SLAMF6: variants seen among roughly 807,000 people sequenced by gnomAD.
The protein encoded by SLAMF6 is NK-T-B-antigen.
A neutral mutation model predicts 38.3 loss-of-function variants in SLAMF6; 21 were observed. The ratio of observed to expected loss-of-function variants is 0.55; its 90% CI spans 0.39 to 0.79. The LOEUF (loss-of-function observed/expected upper bound fraction) is 0.79, where lower values mean the gene tolerates loss of function less well. SLAMF6 is among the 30% of genes least tolerant of loss of function. The pLI, the probability that SLAMF6 is intolerant of heterozygous loss-of-function variation, is 0.00. For missense variants in SLAMF6, 341 were observed against 385.3 expected (o/e 0.89, Z 0.96); for synonymous variants, 152 against 146.3 (o/e 1.04, Z -0.28).
intron 1 of SLAMF6, among the ~76,000 whole-genome samples, chr1:160,518,223 T>G (rs1248449734): frequency 6.6e-6 from 1 of 151,938 alleles, no homozygotes. Context: ...CTCACACAGG[T>G]CAGAATGGCA....
intron 2 of SLAMF6, among the ~76,000 whole-genome samples, chr1:160,492,882 A>G (rs1653378373): frequency 6.6e-6 from 1 of 152,036 alleles, no homozygotes; most frequent in South Asian, 2.1e-4. Flanking sequence ...AAATGTAACC[A>G]CTTCTCACCA....
rs200834145 is a variant in SLAMF6 at position 160,523,200 on chromosome 1, G to A, written c.-8C>T. ...TTGGAACAGCCACAACATGCTTTCCGCGGTGAAGACTGGTGCTTGAGACCT... is the reference window on the plus strand; with the variant it reads ...TTGGAACAGCCACAACATGCTTTCCACGGTGAAGACTGGTGCTTGAGACCT... On this transcript the variant is annotated 5_prime_UTR_variant, in exon 1 of 8. Transcript: ENST00000368057. 9 of 1,613,428 alleles carry A rather than the reference G, an allele frequency of 5.6e-6. No individual in the cohort carries two copies. The highest frequency in any genetic ancestry group is 1.1e-5 in the South Asian group (1 of 90,950).
chr1:160,500,170 A>G (rs1296148142), intron 1 of SLAMF6, among the ~76,000 whole-genome samples: 2 of 152,198 alleles, frequency 1.3e-5, no homozygotes, highest in Non-Finnish European at 2.9e-5. Flanking sequence ...TGTTCATTTT[A>G]TGATAATTCA....
At chr1:160,491,935 A>T (rs1256213817) in intron 2 of SLAMF6, among the ~76,000 whole-genome samples, 2 of 152,208 alleles carry the variant, frequency 1.3e-5, no homozygotes, top group Non-Finnish European at 2.9e-5. Flanking sequence ...TGGCTCCAAT[A>T]GTGAGAAAGA....
intron 1 of SLAMF6, among the ~76,000 whole-genome samples, chr1:160,499,501 T>C (rs1374964429): frequency 6.6e-6 from 1 of 152,178 alleles, no homozygotes; most frequent in Non-Finnish European, 1.5e-5. Context: ...GTGATGTCTC[T>C]GGATTTTTTG....
At chr1:160,492,744 T>C (rs1653370549) in intron 2 of SLAMF6, among the ~76,000 whole-genome samples, 1 of 152,246 alleles carries the variant, frequency 6.6e-6, no homozygotes, top group Non-Finnish European at 1.5e-5. Flanking sequence ...TTTACCCATC[T>C]GACTTGTTGA....
At chr1:160,489,019 A>G in intron 6 of SLAMF6, 69 bp downstream of exon 6, 1 of 1,395,288 alleles carries the variant, frequency 7.2e-7, no homozygotes, top group South Asian at 1.2e-5. Context: ...TCAGATGGTT[A>G]TGGTGACAAG....
chr1:160,522,443 A>G (rs1297768277), intron 1 of SLAMF6, among the ~76,000 whole-genome samples: 1 of 152,142 alleles, frequency 6.6e-6, no homozygotes, highest in Non-Finnish European at 1.5e-5. Context: ...TGAATGCTAC[A>G]CTTTGTCTCC....
chr1:160,489,302 A>T, intron 5 of SLAMF6, 132 bp from the exon 6 acceptor site: 3 of 807,372 alleles, frequency 3.7e-6, no homozygotes, highest in East Asian at 5.3e-5. Flanking sequence ...CTGAGGGATC[A>T]TTCGTTCTTG....
chr1:160,513,599 G>A (rs1654601135), intron 1 of SLAMF6, among the ~76,000 whole-genome samples: 1 of 152,090 alleles, frequency 6.6e-6, no homozygotes, highest in Admixed American at 6.5e-5. Context: ...AAAATGTTAA[G>A]GGCAGCCAGA....
In SLAMF6 at chr1:160,520,317, G is replaced by T. The variant is rs547759690; in HGVS notation, c.49+2827C>A. Among the ~76,000 whole-genome samples the T allele has an allele frequency of 2.6e-5, 4 of 152,130 alleles. No homozygotes were observed. In the East Asian group the frequency reaches 7.7e-4, roughly 29 times the overall value. ...CTCAGAATACCTATATCTGCTTCCT[G>T]CAAACACACTCAAAGTTAGTTTCTA... On this transcript the variant is annotated intron_variant, in intron 1 of 7. Coordinates refer to ENST00000368057, the MANE Select transcript of SLAMF6 (RefSeq NM_001184714.2).
At position 160,491,383 on chromosome 1, in the gene SLAMF6, G is replaced by T. The variant is rs1371302905; in HGVS notation, c.388C>A (p.Leu130Met). Residue 130 changes from leucine to methionine, a missense_variant, in exon 3 of 8, where the codon CTG (leucine) becomes ATG (methionine). Transcript: ENST00000368057. ...TGATTGGTAACTTGTATGTTCCTCA[G>T]TTGTCCTGTTTGCAGAAAAAAAAAA... ...SSYTLRILRQ[L>M]RNIQVTNHSQ... is the part of the protein sequence containing the mutation. The T allele has an allele frequency of 1.2e-6, 2 of 1,609,876 alleles. No homozygotes were observed. Among genetic ancestry groups the T allele is most frequent in the Non-Finnish European group, 1.7e-6 (2 of 1,177,642 alleles).
intron 2 of SLAMF6, 70 bp from the exon 3 acceptor site, chr1:160,491,458 C>T (rs760217700): frequency 1.3e-6 from 2 of 1,551,612 alleles, no homozygotes; most frequent in Non-Finnish European, 1.7e-6. Flanking sequence ...TGAAAAATAT[C>T]CTTCACCTCA....
intron 6 of SLAMF6, among the ~76,000 whole-genome samples, chr1:160,487,861 A>T (rs1653050707): frequency 1.3e-5 from 2 of 152,176 alleles, no homozygotes; most frequent in African/African-American, 4.8e-5. Flanking sequence ...AGGACGAGGC[A>T]GGCGGATCAC....
intron 2 of SLAMF6, among the ~76,000 whole-genome samples, chr1:160,494,466 G>C (rs186122252): frequency 6.6e-6 from 1 of 152,022 alleles, no homozygotes; most frequent in Admixed American, 6.6e-5. Context: ...TCTGCCTGTA[G>C]TGGGTTGAAT....
intron 1 of SLAMF6, among the ~76,000 whole-genome samples, chr1:160,517,025 T>C (rs912279905): frequency 1.3e-5 from 2 of 152,076 alleles, no homozygotes; most frequent in Admixed American, 1.3e-4. Flanking sequence ...CTAGTTAAAC[T>C]GAAGAGCTTC....
At chr1:160,497,521 A>C in intron 1 of SLAMF6, among the ~76,000 whole-genome samples, 1 of 152,220 alleles carries the variant, frequency 6.6e-6, no homozygotes, top group Middle Eastern at 3.4e-3. Context: ...AAAAATTTCA[A>C]CTTTTATTTT....
intron 6 of SLAMF6, among the ~76,000 whole-genome samples, chr1:160,488,149 A>G (rs973315260): frequency 6.6e-6 from 1 of 151,854 alleles, no homozygotes; most frequent in Non-Finnish European, 1.5e-5. Context: ...AAAAACCTCA[A>G]ACTCTCCAAA....
rs1211647748 is a variant in SLAMF6, at chr1:160,486,543, C to G, written c.*164G>C. On this transcript the variant is annotated 3_prime_UTR_variant, in exon 8 of 8. Transcript: ENST00000368057. ...TGATGTTATCCTTAGGTGTTTGACT[C>G]AGGTAGGCAGGTTTAAGTCCGAAGG... The G allele has an allele frequency of 6.3e-6, 4 of 638,580 alleles. No individual in the cohort carries two copies. Among genetic ancestry groups the G allele is most frequent in the Non-Finnish European group, 8.2e-6 (3 of 367,776 alleles). 39.6% of individuals were successfully genotyped at this position (638,580 alleles called of 1,614,324 possible). A position where few individuals can be genotyped will look rare whatever the true frequency, so the allele number is the denominator to read the frequency against.
Sources: gnomAD v4.1 joint callset for allele counts (sites outside exome capture counted in the v4.1 genomes callset) on GRCh38, gnomAD v4.1.1 for gene constraint, MANE v1.5 for transcripts, NCBI Gene and HGNC (gene_info 2026-07-23, HGNC 2026-07-21) for gene names.